Variants in DSCAML1 observed in about 807,000 individuals in gnomAD.
DSCAML1 encodes the protein cell adhesion molecule DSCAML1.
A neutral mutation model predicts 200.5 loss-of-function variants in DSCAML1; 38 were observed. The ratio of observed to expected loss-of-function variants is 0.19; its 90% CI spans 0.15 to 0.25. DSCAML1 has a LOEUF of 0.25. Among genes scored for constraint, DSCAML1 ranks in the 10% least tolerant of loss-of-function variants. DSCAML1 has a pLI of 1.00. For synonymous variants in DSCAML1, 1,215 were observed against 1,165.0 expected, an observed-to-expected ratio of 1.04 and a Z score of -0.87; for missense variants, 2,223 against 2,858.8, an observed-to-expected ratio of 0.78 and a Z score of 5.07.
At chr11:117,754,131 G>T (rs566753666) in intron 3 of DSCAML1, among the ~76,000 whole-genome samples, 3 of 152,276 alleles carry the variant, frequency 2.0e-5, no homozygotes, top group African/African-American at 4.8e-5. Context: ...AATGGGGAGG[G>T]GGGTAGAAAG....
At position 117,469,526 on chromosome 11, in the gene DSCAML1, T is replaced by C. The variant is rs764003703; in HGVS notation, c.3024+384A>G. ...CTCAGAGGTAGGGAGGGCAGTTGTT[T>C]TCATGCTGATGTTAGAAAGGAGGAA... is the stretch of plus-strand genomic sequence containing the variant. On this transcript the variant is annotated intron_variant, in intron 16 of 32. Transcript: ENST00000651296. This position sits in a 1 kb window ranked among gnomAD's most constrained non-coding sequence, Gnocchi z 4.1. 2.0e-5 allele frequency among the ~76,000 whole-genome samples: 3 copies of C among 152,160 alleles called. No homozygotes were observed. The highest frequency in any genetic ancestry group is 4.4e-5 in the Non-Finnish European group (3 of 68,032).
chr11:117,496,550 A>G (rs995471457), intron 11 of DSCAML1, among the ~76,000 whole-genome samples: 2 of 152,120 alleles, frequency 1.3e-5, no homozygotes, highest in Non-Finnish European at 2.9e-5. Flanking sequence ...CTTCACCTTA[A>G]CTGACATACA....
Position 117,536,336 on chromosome 11 carries a change from C to T in DSCAML1, c.512-3814G>A, listed in dbSNP as rs2050169967. Among the ~76,000 whole-genome samples the T allele has an allele frequency of 5.9e-5, 9 of 152,342 alleles. No individual in the cohort carries two copies. In the South Asian group the frequency reaches 1.9e-3, roughly 32 times the overall value. Reference sequence around the variant, plus strand: ...GACGGGCCAGGGTTGGACAACATGGCTGGCCTCCCGGGCTGGCAGCCCATG... The same window carrying T: ...GACGGGCCAGGGTTGGACAACATGGTTGGCCTCCCGGGCTGGCAGCCCATG... On this transcript the variant is annotated intron_variant, in intron 3 of 32. Coordinates refer to ENST00000651296, the MANE Select transcript of DSCAML1 (RefSeq NM_020693.4).
chr11:117,464,286 T>G (rs1347712984), intron 17 of DSCAML1, among the ~76,000 whole-genome samples: 2 of 152,076 alleles, frequency 1.3e-5, no homozygotes, highest in Non-Finnish European at 2.9e-5. Flanking sequence ...TCTGGGAGCA[T>G]CAGGGGCCAT....
intron 1 of DSCAML1, among the ~76,000 whole-genome samples, chr11:117,810,301 C>T (rs1199896564): frequency 6.6e-6 from 1 of 152,098 alleles, no homozygotes; most frequent in Non-Finnish European, 1.5e-5. Flanking sequence ...ACCCCTCAAC[C>T]CCTTCTCCTT....
chr11:117,681,765 T>C (rs76638771), intron 3 of DSCAML1, among the ~76,000 whole-genome samples: 18,175 of 152,194 alleles, frequency 0.12, 1,135 homozygotes, highest in Middle Eastern at 0.18. Context: ...AAATTAATCC[T>C]TGGACTTTTT....
At position 117,443,872 on chromosome 11, in the gene DSCAML1, C is replaced by T. The variant is rs1197491119; in HGVS notation, c.3862+14G>A. The T allele has an allele frequency of 3.1e-6, 5 of 1,587,752 alleles. No homozygotes were observed. Among genetic ancestry groups the T allele is most frequent in the Non-Finnish European group, 4.3e-6 (5 of 1,167,802 alleles). On this transcript the variant is annotated intron_variant, in intron 21 of 32. Transcript: ENST00000651296. Reference sequence around the variant, plus strand: ...GAAGTGTTTGCCCCTCTGCCACAGCCTCAGGCTTCTCACCCTTGCCAGCAG... The same window carrying T: ...GAAGTGTTTGCCCCTCTGCCACAGCTTCAGGCTTCTCACCCTTGCCAGCAG...
At chr11:117,639,950 T>A (rs1018660181) in intron 3 of DSCAML1, among the ~76,000 whole-genome samples, 1 of 152,008 alleles carries the variant, frequency 6.6e-6, no homozygotes, top group East Asian at 1.9e-4. Flanking sequence ...ACTTTTCAAC[T>A]CCCCAGGAAT....
intron 3 of DSCAML1, among the ~76,000 whole-genome samples, chr11:117,664,479 TCA>T (rs2052931586): frequency 6.6e-6 from 1 of 152,206 alleles, no homozygotes; most frequent in Non-Finnish European, 1.5e-5. Flanking sequence ...TCAAGGAGGC[TCA>T]GTTCCCCTTT....
At chr11:117,490,552 C>T (rs1030035207) in intron 11 of DSCAML1, among the ~76,000 whole-genome samples, 2 of 152,228 alleles carry the variant, frequency 1.3e-5, no homozygotes, top group African/African-American at 4.8e-5. Flanking sequence ...TAAGCTGGGG[C>T]AGGCCCGCTC....
chr11:117,448,646 G>T (rs80342138), intron 20 of DSCAML1, among the ~76,000 whole-genome samples: 1 of 142,570 alleles, frequency 7.0e-6, no homozygotes, highest in Non-Finnish European at 1.5e-5. Context: ...TGTGGGGGGT[G>T]GGTAGAGTTG....
intron 19 of DSCAML1, among the ~76,000 whole-genome samples, chr11:117,455,316 TC>T (rs2048351255): frequency 6.6e-6 from 1 of 152,176 alleles, no homozygotes; most frequent in Non-Finnish European, 1.5e-5. Flanking sequence ...CTTAACAGGT[TC>T]TAACCAGTCT....
At chr11:117,712,819 C>T (rs2053874116) in intron 3 of DSCAML1, among the ~76,000 whole-genome samples, 1 of 152,032 alleles carries the variant, frequency 6.6e-6, no homozygotes, top group African/African-American at 2.4e-5. Flanking sequence ...TTGTGTCTTC[C>T]GCTCCTCCTT....
At chr11:117,726,027 G>GGCA (rs1456839179) in intron 3 of DSCAML1, among the ~76,000 whole-genome samples, 11 of 152,266 alleles carry the variant, frequency 7.2e-5, no homozygotes, top group African/African-American at 2.6e-4. Flanking sequence ...GCCCAGGTCA[G>GGCA]GCAGCCAGGC....
In DSCAML1 at chr11:117,797,204, C is replaced by A. The variant is rs1348036418; in HGVS notation, c.-125G>T. The A allele has an allele frequency of 3.9e-6, 6 of 1,520,836 alleles. No individual in the cohort carries two copies. The South Asian group carries it at 7.3e-5, about 19-fold the overall frequency. 94.2% of individuals were successfully genotyped at this position (1,520,836 alleles called of 1,614,324 possible). On this transcript the variant is annotated 5_prime_UTR_variant, in exon 1 of 33. Transcript: ENST00000651296. ...CGCCCCGCTCTCTCTGCTCCTCAGC[C>A]CAGCGCTCGGCTGCGGCGGCGGCTC...
rs569990813 is a variant in DSCAML1 at position 117,583,569 on chromosome 11, C to T, written c.512-51047G>A. 2.0e-5 allele frequency among the ~76,000 whole-genome samples: 3 copies of T among 152,324 alleles called. No individual in the cohort carries two copies. In the East Asian group the frequency reaches 5.8e-4, roughly 29 times the overall value. On this transcript the variant is annotated intron_variant, in intron 3 of 32. Transcript: ENST00000651296. ...TCTCTTCTCCAGTCCCTGCCACAAG[C>T]GCCATTACCCTCCGTTCTGCATTGC...
chr11:117,448,994 A>G (rs1413377197), intron 20 of DSCAML1, among the ~76,000 whole-genome samples: 2 of 152,208 alleles, frequency 1.3e-5, no homozygotes, highest in Non-Finnish European at 2.9e-5. Flanking sequence ...AGCCCAATGG[A>G]TTAATAATCA....
chr11:117,455,401 G>A lies in DSCAML1; in HGVS notation c.3568+3353C>T, dbSNP rs556745233. Among the ~76,000 whole-genome samples the A allele has an allele frequency of 2.6e-5, 4 of 152,296 alleles. No homozygotes were observed. In the East Asian group the frequency reaches 5.8e-4, roughly 22 times the overall value. On this transcript the variant is annotated intron_variant, in intron 19 of 32. Transcript: ENST00000651296. Reference sequence around the variant, plus strand: ...ATTACCTTCCTAAAACATGGGTCTAGTCATGCCTCTTCCTCAGTTAAAGGT... The same window carrying A: ...ATTACCTTCCTAAAACATGGGTCTAATCATGCCTCTTCCTCAGTTAAAGGT...
intron 1 of DSCAML1, among the ~76,000 whole-genome samples, chr11:117,787,035 C>T (rs1238007005): frequency 6.6e-6 from 1 of 152,198 alleles, no homozygotes; most frequent in Non-Finnish European, 1.5e-5. Flanking sequence ...TGTCTAGTCA[C>T]CACTCTGTCT....
Sources: gnomAD v4.1 joint callset for allele counts (sites outside exome capture counted in the v4.1 genomes callset) on GRCh38, gnomAD v4.1.1 for gene constraint, Gnocchi (gnomAD v3.1) non-coding constraint, MANE v1.5 for transcripts, NCBI Gene and HGNC (gene_info 2026-07-23, HGNC 2026-07-21) for gene names.